The following SYT1 variants were observed in gnomAD, a reference collection of about 807,000 sequenced individuals.
The protein encoded by SYT1 is synaptotagmin 1, also known as synaptotagmin-1.
In SYT1, 8 loss-of-function variants were observed where a neutral mutation model predicts 44.8. The ratio of observed to expected loss-of-function variants is 0.18; its 90% CI spans 0.10 to 0.32. The LOEUF (loss-of-function observed/expected upper bound fraction) is 0.32, where lower values mean the gene tolerates loss of function less well. Among genes scored for constraint, SYT1 ranks in the 10% least tolerant of loss-of-function variants. The pLI is 1.00. For missense variants in SYT1, 286 were observed against 509.3 expected (o/e 0.56, Z 4.22); for synonymous variants, 154 against 188.8 (o/e 0.82, Z 1.51).
At chr12:79,435,889 A>C (rs1422138520) in intron 9 of SYT1, among the ~76,000 whole-genome samples, 1 of 152,118 alleles carries the variant, frequency 6.6e-6, no homozygotes, top group Non-Finnish European at 1.5e-5. Flanking sequence ...TGTCTCAGAC[A>C]TTGCCAGCTG....
chr12:78,936,316 G>A (rs564622150), intron 1 of SYT1, among the ~76,000 whole-genome samples: 6 of 152,154 alleles, frequency 3.9e-5, no homozygotes, highest in African/African-American at 1.4e-4. Context: ...AAGTTTCCTG[G>A]TAACTTGAAC....
In SYT1 at chr12:79,033,973, G is replaced by T. The variant is rs553651443; in HGVS notation, c.-83-13324G>T. On this transcript the variant is annotated intron_variant, in intron 2 of 10. Coordinates refer to ENST00000261205, the MANE Select transcript of SYT1 (RefSeq NM_005639.3). ...TTTTATGCCTAATGTAATTCTATGT[G>T]AACTATGTAGAAATAGATGTTCTGG... Among the ~76,000 whole-genome samples the T allele has an allele frequency of 2.6e-5, 4 of 151,490 alleles. No homozygotes were observed. In the East Asian group the frequency reaches 7.8e-4, roughly 29 times the overall value.
At position 79,093,284 on chromosome 12, in the gene SYT1, C is replaced by G. The variant is rs529916182; in HGVS notation, c.-18+45922C>G. ...TTAAAAAATAAAGGTTCGAAGCATT[C>G]GATCAAAAATAAGATCACAGGTTAC... On this transcript the variant is annotated intron_variant, in intron 3 of 10. Coordinates refer to ENST00000261205, the MANE Select transcript of SYT1 (RefSeq NM_005639.3). Among the ~76,000 whole-genome samples the G allele has an allele frequency of 5.4e-4, 82 of 151,674 alleles. 1 individual carries two copies. Among genetic ancestry groups the G allele is most frequent in the Non-Finnish European group, 1.0e-3 (69 of 67,710 alleles).
intron 8 of SYT1, among the ~76,000 whole-genome samples, chr12:79,316,158 A>T (rs1881074310): frequency 6.6e-6 from 1 of 152,152 alleles, no homozygotes; most frequent in Admixed American, 6.5e-5. Context: ...AGTTCCTCAT[A>T]CCTCTTTCCA....
chr12:79,030,199 T>C (rs1490868498), intron 2 of SYT1, among the ~76,000 whole-genome samples: 2 of 151,144 alleles, frequency 1.3e-5, no homozygotes, highest in East Asian at 3.9e-4. Flanking sequence ...TGTGCTATAT[T>C]AATTTTCTGA....
At chr12:79,062,307 A>G (rs1875449110) in intron 3 of SYT1, among the ~76,000 whole-genome samples, 1 of 152,148 alleles carries the variant, frequency 6.6e-6, no homozygotes, top group Non-Finnish European at 1.5e-5. Context: ...ATTGATTCAG[A>G]TGTTTTCTGA....
chr12:79,407,769 A>G (rs1353205116), intron 9 of SYT1, among the ~76,000 whole-genome samples: 1 of 152,070 alleles, frequency 6.6e-6, no homozygotes, highest in East Asian at 1.9e-4. Context: ...TCTCTTACGC[A>G]CAGTCCAAGC....
intron 1 of SYT1, among the ~76,000 whole-genome samples, chr12:78,886,357 T>C (rs910566476): frequency 2.6e-5 from 4 of 151,958 alleles, no homozygotes; most frequent in Admixed American, 6.6e-5. Context: ...TGAGACAAAA[T>C]GGTTTTGCTT....
At chr12:79,164,216 G>T (rs952053859) in intron 3 of SYT1, among the ~76,000 whole-genome samples, 6 of 152,008 alleles carry the variant, frequency 3.9e-5, no homozygotes, top group African/African-American at 1.4e-4. Flanking sequence ...TTACCATCGG[G>T]GATAAATTAC....
intron 2 of SYT1, among the ~76,000 whole-genome samples, chr12:78,995,407 A>G (rs1325064349): frequency 6.6e-6 from 1 of 152,214 alleles, no homozygotes; most frequent in Non-Finnish European, 1.5e-5. Flanking sequence ...AACAATAACC[A>G]TAATGGTCTT....
intron 9 of SYT1, 135 bp from the exon 10 acceptor site, chr12:79,443,938 G>A (rs541260297): frequency 7.6e-6 from 7 of 915,380 alleles, no homozygotes; most frequent in African/African-American, 1.7e-5. Context: ...CAATAAAAAA[G>A]TATTGAATTT....
chr12:79,003,032 C>G lies in SYT1; in HGVS notation c.-84+25101C>G, dbSNP rs936682916. Among the ~76,000 whole-genome samples, 5 of 151,930 alleles carry G rather than the reference C, an allele frequency of 3.3e-5. No homozygotes were observed. The East Asian group carries it at 9.7e-4, about 29-fold the overall frequency. On this transcript the variant is annotated intron_variant, in intron 2 of 10. Transcript: ENST00000261205. ...AAAGCAGCTGTTTAACAGATCACAA[C>G]AATACTGCAAAATCATTTAAGAAAA...
At chr12:79,141,157 T>G (rs1869534266) in intron 3 of SYT1, among the ~76,000 whole-genome samples, 1 of 152,200 alleles carries the variant, frequency 6.6e-6, no homozygotes, top group Non-Finnish European at 1.5e-5. Flanking sequence ...AAATATTTAT[T>G]TTGCCCTTCC....
intron 1 of SYT1, among the ~76,000 whole-genome samples, chr12:78,931,203 GAA>G (rs1268190064): frequency 5.1e-5 from 2 of 39,002 alleles, no homozygotes; most frequent in African/African-American, 2.8e-4. Flanking sequence ...AAGAAAGAAA[GAA>G]AGAAAGAAAG....
chr12:79,084,943 T>C (rs1310560919), intron 3 of SYT1, among the ~76,000 whole-genome samples: 1 of 152,150 alleles, frequency 6.6e-6, no homozygotes, highest in Non-Finnish European at 1.5e-5. Context: ...TTGATATACA[T>C]AAAGGGATAT....
chr12:78,942,033 T>A (rs1271303682), intron 1 of SYT1, among the ~76,000 whole-genome samples: 7 of 152,238 alleles, frequency 4.6e-5, no homozygotes, highest in African/African-American at 1.7e-4. Context: ...GCCTCTTTTG[T>A]ACAACTTCAT....
intron 8 of SYT1, among the ~76,000 whole-genome samples, chr12:79,345,611 G>T (rs1882575079): frequency 6.6e-6 from 1 of 152,152 alleles, no homozygotes; most frequent in Non-Finnish European, 1.5e-5. Flanking sequence ...AGTCTTTCTA[G>T]CCTGAACACA....
chr12:78,982,254 G>A (rs898578312), intron 2 of SYT1, among the ~76,000 whole-genome samples: 1 of 151,998 alleles, frequency 6.6e-6, no homozygotes, highest in Non-Finnish European at 1.5e-5. Context: ...AGTTAGAAAG[G>A]CATCCTGGAA....
At chr12:79,146,307 T>C (rs1330423382) in intron 3 of SYT1, among the ~76,000 whole-genome samples, 3 of 152,194 alleles carry the variant, frequency 2.0e-5, no homozygotes, top group Non-Finnish European at 4.4e-5. Flanking sequence ...TGTCAATTAA[T>C]GTTGTTGTAG....
Sources: allele counts gnomAD v4.1 joint callset (sites outside exome capture counted in the v4.1 genomes callset), GRCh38; gene constraint gnomAD v4.1.1; transcripts MANE v1.5; gene names NCBI Gene and HGNC (gene_info 2026-07-23, HGNC 2026-07-21).